Variants in DNMT3A observed in about 807,000 individuals in gnomAD.
The protein encoded by DNMT3A is DNA methyltransferase 3 alpha.
Under a neutral mutation model 117.6 loss-of-function variants are expected in DNMT3A, and 267 were observed. The observed-to-expected ratio is 2.27, with a 90% confidence interval of 2.05 to 2.51. The LOEUF is 2.51. Ranked by LOEUF, DNMT3A falls within the 30% of genes most tolerant of loss-of-function variation. DNMT3A has a pLI of 0.00. For synonymous variants in DNMT3A, 432 were observed against 474.8 expected, an observed-to-expected ratio of 0.91 and a Z score of 1.17; for missense variants, 1,029 against 1,260.2, an observed-to-expected ratio of 0.82 and a Z score of 2.78.
chr2:25,295,894 ACTCAGTGTGGCACAG>A (rs1156860266), intron 3 of DNMT3A, among the ~76,000 whole-genome samples: 2 of 152,190 alleles, frequency 1.3e-5, no homozygotes, highest in Non-Finnish European at 2.9e-5. Flanking sequence ...AGGCAGGCAA[ACTCAGTGTGGCACAG>A]CTCAGCGACT....
chr2:25,295,275 A>T (rs767779329), intron 3 of DNMT3A, among the ~76,000 whole-genome samples: 2 of 152,122 alleles, frequency 1.3e-5, no homozygotes, highest in Non-Finnish European at 2.9e-5. Context: ...CCTCCCTATC[A>T]TGGGCACTGG....
chr2:25,245,957 T>C lies in DNMT3A; in HGVS notation c.1474+63A>G. 1.9e-6 allele frequency: 3 copies of C among 1,607,864 alleles called. No homozygotes were observed. In the South Asian group the frequency reaches 3.3e-5, roughly 18 times the overall value. ...CCCATGTCATTCAAACCTTCCTAAGTGCCTCTGCTACTCTGCCCCATGCCA... is the reference window on the plus strand; with the variant it reads ...CCCATGTCATTCAAACCTTCCTAAGCGCCTCTGCTACTCTGCCCCATGCCA... On this transcript the variant is annotated intron_variant, in intron 12 of 22. Coordinates refer to ENST00000321117, the MANE Select transcript of DNMT3A (RefSeq NM_022552.5).
At chr2:25,268,273 A>G (rs759084082) in intron 6 of DNMT3A, among the ~76,000 whole-genome samples, 1 of 152,224 alleles carries the variant, frequency 6.6e-6, no homozygotes, top group Non-Finnish European at 1.5e-5. Context: ...ATCCTAGAAC[A>G]ATAGGACATG....
At chr2:25,246,828 A>G in intron 9 of DNMT3A, 52 bp from the exon 10 acceptor site, 3 of 1,599,418 alleles carry the variant, frequency 1.9e-6, no homozygotes, top group Non-Finnish European at 2.6e-6. Flanking sequence ...TGGAAGGCAG[A>G]TGGGTCAGGC....
chr2:25,241,181 G>A (rs551567329), intron 17 of DNMT3A, among the ~76,000 whole-genome samples: 13 of 152,186 alleles, frequency 8.5e-5, no homozygotes, highest in Non-Finnish European at 1.8e-4. Flanking sequence ...AGTATTGGGA[G>A]GACAGGAACC....
intron 1 of DNMT3A, among the ~76,000 whole-genome samples, chr2:25,324,314 T>G (rs1336039325): frequency 6.6e-6 from 1 of 152,202 alleles, no homozygotes; most frequent in South Asian, 2.1e-4. Flanking sequence ...ATAGAAGACA[T>G]GGAGGCTTAA....
chr2:25,323,050 T>TGTCAA (rs1393274190), intron 1 of DNMT3A, among the ~76,000 whole-genome samples: 2 of 152,022 alleles, frequency 1.3e-5, no homozygotes, highest in East Asian at 3.9e-4. Flanking sequence ...GGGAAACGCT[T>TGTCAA]GTCAAAAGGT....
At position 25,234,761 on chromosome 2, in the gene DNMT3A, TC is replaced by T; in HGVS notation, c.2598-342del. Among the ~76,000 whole-genome samples the T allele has an allele frequency of 6.6e-6, 1 of 152,244 alleles. No homozygotes were observed. The highest frequency in any genetic ancestry group is 1.9e-4 in the East Asian group (1 of 5,186). ...TCAGAAATACCTCCAGGACACACTC[TC>T]TAGTTCTCCTCTCCTGCAGGGTTAG... On this transcript the variant is annotated intron_variant, in intron 22 of 22. Coordinates refer to ENST00000321117, the MANE Select transcript of DNMT3A (RefSeq NM_022552.5). The surrounding 1 kb of genome is among the most constrained non-coding windows in gnomAD (Gnocchi z 4.5).
At chr2:25,239,237 G>A (rs1158531062) in intron 19 of DNMT3A, 22 bp from the exon 20 acceptor site, 4 of 1,610,392 alleles carry the variant, frequency 2.5e-6, no homozygotes, top group Non-Finnish European at 3.4e-6. Flanking sequence ...GAGACGGTTT[G>A]AAGATGAGCC....
rs1388001221 is a variant in DNMT3A at position 25,228,118 on chromosome 2, C to T, written c.*6161G>A. 5.4e-5 allele frequency: 8 copies of T among 147,200 alleles called. No homozygotes were observed. The highest frequency in any genetic ancestry group is 1.8e-4 in the African/African-American group (7 of 39,956). 9.1% of individuals were successfully genotyped at this position (147,200 alleles called of 1,614,324 possible). On this transcript the variant is annotated 3_prime_UTR_variant, in exon 23 of 23. Transcript: ENST00000321117. ...GCGGGTGGGGCAGGGACCCCTCGGG[C>T]CCCCACTCGCCCTTCCCTGAATGTC... is the stretch of plus-strand genomic sequence containing the variant.
rs375328501 is a variant in DNMT3A, at chr2:25,247,126, C to G, written c.1047G>C (p.Ser349=). 2 of 1,613,958 alleles carry G rather than the reference C, an allele frequency of 1.2e-6. No individual in the cohort carries two copies. Among genetic ancestry groups the G allele is most frequent in the African/African-American group, 1.3e-5 (1 of 74,876 alleles). The change falls in exon 9 of 23, where the codon TCG becomes TCC. Residue 349 remains serine (S), a synonymous_variant. Transcript: ENST00000321117. The surrounding 1 kb of genome is among the most constrained non-coding windows in gnomAD (Gnocchi z 5.6). ...VCVEKLMPLS[S]FCSAFHQATY... is the part of the protein sequence containing the mutation. ...TGGCCTGGTGGAACGCACTGCAAAACGAGCTCAGCGGCATCAGCTTCTCAA... is the reference window on the plus strand; with the variant it reads ...TGGCCTGGTGGAACGCACTGCAAAAGGAGCTCAGCGGCATCAGCTTCTCAA...
At chr2:25,300,763 ATAT>A (rs2033463047) in intron 2 of DNMT3A, among the ~76,000 whole-genome samples, 1 of 77,554 alleles carries the variant, frequency 1.3e-5, no homozygotes, top group Non-Finnish European at 2.4e-5. Flanking sequence ...ATATATATAT[ATAT>A]ATAAATAATA....
intron 2 of DNMT3A, among the ~76,000 whole-genome samples, chr2:25,307,314 C>T (rs1443282209): frequency 6.6e-6 from 1 of 152,120 alleles, no homozygotes; most frequent in African/African-American, 2.4e-5. Flanking sequence ...GGACACTGCT[C>T]CACCACTCAG....
chr2:25,241,286 C>A (rs1337373019), intron 17 of DNMT3A, among the ~76,000 whole-genome samples: 1 of 152,210 alleles, frequency 6.6e-6, no homozygotes, highest in East Asian at 1.9e-4. Context: ...CCAAGCTAGT[C>A]TTAAACCCCT....
chr2:25,285,345 C>G (rs1460513290), intron 3 of DNMT3A, among the ~76,000 whole-genome samples: 1 of 152,196 alleles, frequency 6.6e-6, no homozygotes, highest in Non-Finnish European at 1.5e-5. Context: ...GGGACAAGGG[C>G]CTTGGGAAAA....
chr2:25,279,682 G>GTT (rs559160818), intron 4 of DNMT3A, among the ~76,000 whole-genome samples: 8 of 143,410 alleles, frequency 5.6e-5, no homozygotes, highest in South Asian at 2.3e-4. Context: ...GCCAAAGTTT[G>GTT]TTTTTTTTTT....
chr2:25,241,959 G>C, intron 16 of DNMT3A: 1 of 510,652 alleles, frequency 2.0e-6, no homozygotes, highest in East Asian at 3.6e-5. Context: ...TGACCGGAGA[G>C]TACATGGTTC....
At chr2:25,284,431 T>C (rs1484641352) in intron 3 of DNMT3A, among the ~76,000 whole-genome samples, 1 of 151,826 alleles carries the variant, frequency 6.6e-6, no homozygotes, top group African/African-American at 2.4e-5. Flanking sequence ...CTCCCTCACA[T>C]ATCACCTGAG....
chr2:25,240,185 C>T (rs1461629235), intron 19 of DNMT3A, 117 bp downstream of exon 19: 5 of 1,466,428 alleles, frequency 3.4e-6, no homozygotes, highest in African/African-American at 2.8e-5. Context: ...CAAACAGGCC[C>T]CTTGCAAAGC....
Sources: gnomAD v4.1 joint callset for allele counts (sites outside exome capture counted in the v4.1 genomes callset) on GRCh38, gnomAD v4.1.1 for gene constraint, Gnocchi (gnomAD v3.1) non-coding constraint, MANE v1.5 for transcripts, NCBI Gene and HGNC (gene_info 2026-07-23, HGNC 2026-07-21) for gene names.